CMYA5: variants seen among roughly 807,000 people sequenced by gnomAD.
CMYA5 encodes the protein cardiomyopathy-associated protein 5.
In CMYA5, 246 loss-of-function variants were observed where a neutral mutation model predicts 318.9. The ratio of observed to expected loss-of-function variants is 0.77; its 90% CI spans 0.70 to 0.86. The LOEUF (loss-of-function observed/expected upper bound fraction) is 0.86, where lower values mean the gene tolerates loss of function less well. Ranked by LOEUF, CMYA5 falls within the 40% of genes least tolerant of loss-of-function variation. The pLI is 0.00. For synonymous variants in CMYA5, 1,641 were observed against 1,729.5 expected, an observed-to-expected ratio of 0.95 and a Z score of 1.27; for missense variants, 4,589 against 4,678.2, an observed-to-expected ratio of 0.98 and a Z score of 0.56.
Position 79,737,809 on chromosome 5 carries a change from C to T in CMYA5, c.9044C>T (p.Pro3015Leu), listed in dbSNP as rs768645499. The change falls in exon 2 of 13, where the codon CCA (proline) becomes CTA (leucine). Residue 3015 changes from proline (P) to leucine (L), a missense_variant. Around this residue, in one of 3 missense-constraint regions of CMYA5, gnomAD observed 2,431 missense variants for 2,495.1 expected, o/e 0.97. Transcript: ENST00000446378. ...AGGTTAGAAGATGAAAAAGTTACCC[C>T]ATTGAAAGAAAATAAACAAAAGGAA... is the stretch of plus-strand genomic sequence containing the variant. ...KSRLEDEKVT[P>L]LKENKQKETH... 6.2e-7 allele frequency: 1 copy of T among 1,607,278 alleles called. No homozygotes were observed.
chr5:79,715,323 T>C (rs1003728992), intron 1 of CMYA5, among the ~76,000 whole-genome samples: 2 of 151,932 alleles, frequency 1.3e-5, no homozygotes, highest in Non-Finnish European at 1.5e-5. Context: ...AGTCTCGCTC[T>C]GTCACCCAGG....
intron 12 of CMYA5, among the ~76,000 whole-genome samples, chr5:79,798,332 A>T (rs1303208353): frequency 1.3e-5 from 2 of 151,808 alleles, no homozygotes; most frequent in Non-Finnish European, 2.9e-5. Flanking sequence ...CAGCCTACAC[A>T]TCCGTCGACC....
chr5:79,775,262 T>C (rs1554037285), intron 9 of CMYA5, among the ~76,000 whole-genome samples: 1 of 152,206 alleles, frequency 6.6e-6, no homozygotes, highest in Non-Finnish European at 1.5e-5. Context: ...TATTTGACTT[T>C]GATCACGTAC....
rs181982440 is a variant in CMYA5 at position 79,785,274 on chromosome 5, A to G, written c.11556-3697A>G. On this transcript the variant is annotated intron_variant, in intron 9 of 12. Coordinates refer to ENST00000446378, the MANE Select transcript of CMYA5 (RefSeq NM_153610.5). ...TCCTGACTTTTTTTTTCTATTTGCT[A>G]GTTTGTATTTGATATGATCTTTAGA... Among the ~76,000 whole-genome samples the G allele has an allele frequency of 3.6e-3, 543 of 151,348 alleles. 5 individuals are homozygous for G. Among genetic ancestry groups the G allele is most frequent in the South Asian group, 0.033 (159 of 4,778 alleles).
rs1257554327 is a variant in CMYA5 at position 79,729,113 on chromosome 5, T to G, written c.348T>G (p.Ser116=). The G allele has an allele frequency of 6.2e-7, 1 of 1,613,336 alleles. No homozygotes were observed. Among genetic ancestry groups the G allele is most frequent in the Admixed American group, 1.7e-5 (1 of 59,914 alleles). The part of the protein sequence containing the change: ...VCSREGSTVN[S]PPGNVSFIVD... ...GTCGGGAAGGGTCAACTGTGAATTC[T>G]CCTCCTGGAAATGTTTCCTTTATTG... The change falls in exon 2 of 13, where the codon TCT becomes TCG. Residue 116 remains serine (S), a synonymous_variant. Coordinates refer to ENST00000446378, the MANE Select transcript of CMYA5 (RefSeq NM_153610.5).
chr5:79,704,986 C>G (rs1380418642), intron 1 of CMYA5, among the ~76,000 whole-genome samples: 2 of 152,316 alleles, frequency 1.3e-5, no homozygotes, highest in Non-Finnish European at 2.9e-5. Flanking sequence ...AAACATTTTT[C>G]TCCTGGCTTG....
chr5:79,789,535 A>C lies in CMYA5; in HGVS notation c.11689+431A>C, dbSNP rs187088733. The stretch of plus-strand genomic sequence containing the variant: ...TGCCTCCTAGGTTCAAGTGATTCTC[A>C]TGCCTCAGCCTCTCAAGTAGCTGGA... On this transcript the variant is annotated intron_variant, in intron 10 of 12. Coordinates refer to ENST00000446378, the MANE Select transcript of CMYA5 (RefSeq NM_153610.5). 2.5e-3 allele frequency among the ~76,000 whole-genome samples: 372 copies of C among 151,792 alleles called. 2 individuals are homozygous for C. The highest frequency in any genetic ancestry group is 7.0e-3 in the Admixed American group (107 of 15,240).
chr5:79,712,121 G>A (rs1376910509), intron 1 of CMYA5, among the ~76,000 whole-genome samples: 1 of 152,172 alleles, frequency 6.6e-6, no homozygotes, highest in Non-Finnish European at 1.5e-5. Context: ...CCTCTCTCCT[G>A]AAACTCCAGG....
chr5:79,764,802 T>C (rs1218779404), intron 9 of CMYA5, among the ~76,000 whole-genome samples: 4 of 152,254 alleles, frequency 2.6e-5, no homozygotes, highest in Non-Finnish European at 5.9e-5. Flanking sequence ...TTTTGAGAAG[T>C]ATCTGTTCAT....
chr5:79,725,442 A>G (rs1257472286), intron 1 of CMYA5, among the ~76,000 whole-genome samples: 1 of 152,222 alleles, frequency 6.6e-6, no homozygotes, highest in Admixed American at 6.5e-5. Context: ...AGATGGGCAC[A>G]ATAGACACTG....
At chr5:79,778,888 T>A (rs1405742746) in intron 9 of CMYA5, among the ~76,000 whole-genome samples, 3 of 126,872 alleles carry the variant, frequency 2.4e-5, no homozygotes, top group African/African-American at 9.8e-5. Flanking sequence ...AATTTCATTT[T>A]TATTTATTTT....
intron 1 of CMYA5, among the ~76,000 whole-genome samples, chr5:79,722,990 C>G (rs1827670742): frequency 6.6e-6 from 1 of 152,092 alleles, no homozygotes; most frequent in African/African-American, 2.4e-5. Context: ...ACTCCAGGTC[C>G]AGACTGCTTC....
At position 79,752,628 on chromosome 5, in the gene CMYA5, T is replaced by C; in HGVS notation, c.10992-48T>C. The C allele has an allele frequency of 2.9e-6, 4 of 1,372,260 alleles. No individual in the cohort carries two copies. In the South Asian group the frequency reaches 4.9e-5, roughly 17 times the overall value. 85.0% of individuals were successfully genotyped at this position (1,372,260 alleles called of 1,614,324 possible). A position where few individuals can be genotyped will look rare whatever the true frequency, so the allele number is the denominator to read the frequency against. On this transcript the variant is annotated intron_variant, in intron 5 of 12. Transcript: ENST00000446378. ...TGAACAATTTTTTTCACTTTCATTC[T>C]GTATGTTAATAATTTTTTAACTTAT...
At chr5:79,743,324 T>C (rs1348782730) in intron 2 of CMYA5, among the ~76,000 whole-genome samples, 1 of 152,186 alleles carries the variant, frequency 6.6e-6, no homozygotes, top group Admixed American at 6.5e-5. Flanking sequence ...ATTAGAACTT[T>C]TAGGTCCCTT....
intron 5 of CMYA5, 38 bp downstream of exon 5, chr5:79,747,151 T>G: frequency 6.6e-7 from 1 of 1,513,486 alleles, no homozygotes; most frequent in Non-Finnish European, 8.8e-7. Flanking sequence ...GCAAACAGCA[T>G]GACTGGATGC....
At chr5:79,748,495 CCCTATCTATCTATCTATCTATCTA>C (rs1828369530) in intron 5 of CMYA5, among the ~76,000 whole-genome samples, 2 of 143,830 alleles carry the variant, frequency 1.4e-5, no homozygotes, top group South Asian at 2.2e-4. Flanking sequence ...ATTCCGAGTT[CCCTATCTATCTATCTATCTATCTA>C]CCTATCTATC....
At chr5:79,727,756 C>T (rs1715669579) in intron 1 of CMYA5, among the ~76,000 whole-genome samples, 1 of 152,098 alleles carries the variant, frequency 6.6e-6, no homozygotes, top group Non-Finnish European at 1.5e-5. Context: ...AGCGTAAGTA[C>T]AAGTGAGGAA....
chr5:79,729,702 T>G lies in CMYA5; in HGVS notation c.937T>G (p.Ser313Ala). ...AGGCGCACTCTCCAAAGGATCAGAG[T>G]CCCTAACCTTAATGTTCAGTCATGA... ...WRGALSKGSESLTLMFSHEDQ... is the reference protein window; with the variant it reads ...WRGALSKGSEALTLMFSHEDQ... Residue 313 changes from serine to alanine, a missense_variant, in exon 2 of 13, where the codon TCC becomes GCC. Transcript: ENST00000446378. The G allele has an allele frequency of 1.9e-6, 3 of 1,613,674 alleles. No individual in the cohort carries two copies. Among genetic ancestry groups the G allele is most frequent in the South Asian group, 2.2e-5 (2 of 91,046 alleles).
intron 12 of CMYA5, among the ~76,000 whole-genome samples, chr5:79,794,522 T>C (rs946659459): frequency 6.6e-6 from 1 of 152,214 alleles, no homozygotes; most frequent in Non-Finnish European, 1.5e-5. Flanking sequence ...TAGCCTCCTG[T>C]TGGCTGTTTG....
Sources: gnomAD v4.1 joint callset for allele counts (sites outside exome capture counted in the v4.1 genomes callset) on GRCh38, gnomAD v4.1.1 for gene constraint, gnomAD v4.1.1 regional missense constraint, MANE v1.5 for transcripts, NCBI Gene and HGNC (gene_info 2026-07-23, HGNC 2026-07-21) for gene names.